Variants in ODAM observed in about 807,000 individuals in gnomAD.
ODAM encodes the protein odontogenic, ameloblast associated, also known as odontogenic ameloblast-associated protein.
ODAM carries 55 observed loss-of-function variants against 48.5 expected under a neutral mutation model. That is an observed-to-expected ratio of 1.13 (90% CI 0.91 to 1.42). The LOEUF (loss-of-function observed/expected upper bound fraction) is 1.42, where lower values mean the gene tolerates loss of function less well. ODAM is among the 40% of genes most tolerant of loss of function. ODAM has a pLI of 0.00. For missense variants in ODAM, 353 were observed against 323.6 expected, an observed-to-expected ratio of 1.09 and a Z score of -0.70; for synonymous variants, 127 against 107.8, an observed-to-expected ratio of 1.18 and a Z score of -1.10.
chr4:70,202,683 C>T (rs1056861169), intron 9 of ODAM, 73 bp from the exon 10 acceptor site: 3 of 1,136,706 alleles, frequency 2.6e-6, no homozygotes, highest in East Asian at 2.4e-5. Context: ...AATCCTGTTG[C>T]TTTACATTCT....
rs752843367 is a variant in ODAM, at chr4:70,197,255, A to T, written c.94-19A>T. 1 of 1,140,098 alleles carries T rather than the reference A, an allele frequency of 8.8e-7. No homozygotes were observed. Among genetic ancestry groups the T allele is most frequent in the Non-Finnish European group, 1.3e-6 (1 of 751,702 alleles). The allele number at this position is 1,140,098 out of a possible 1,614,324, so 70.6% of individuals were successfully genotyped here. The stretch of plus-strand genomic sequence containing the variant: ...TAGTGTGTAGTAATCTTGATTTCAT[A>T]TTATTTTTCTTTTTCTAGTTACTTC... On this transcript the variant is annotated intron_variant, in intron 3 of 11. Transcript: ENST00000683306.
In ODAM at chr4:70,200,589, G is replaced by A. The variant is rs983006877; in HGVS notation, c.516G>A (p.Gln172=). 6.2e-7 allele frequency: 1 copy of A among 1,605,376 alleles called. No individual in the cohort carries two copies. The highest frequency in any genetic ancestry group is 1.3e-5 in the African/African-American group (1 of 74,598). ...PRSPQQTRQQ[Q]YEEQIPFYAQ... ...CACCTCAACAAACAAGACAGCAACAGTATGAGGAGCAGGTACTGCAAATGT... is the reference window on the plus strand; with the variant it reads ...CACCTCAACAAACAAGACAGCAACAATATGAGGAGCAGGTACTGCAAATGT... Residue 172 remains glutamine (Q), a synonymous_variant, in exon 7 of 12, where the codon CAG becomes CAA. Transcript: ENST00000683306.
At chr4:70,196,285 A>G (rs903796348) in intron 1 of ODAM, among the ~76,000 whole-genome samples, 4 of 151,982 alleles carry the variant, frequency 2.6e-5, no homozygotes, top group African/African-American at 9.7e-5. Context: ...TCTCCAAATG[A>G]GTATTTTGTT....
At chr4:70,197,386 T>G (rs961499207) in intron 4 of ODAM, 65 bp downstream of exon 4, 1 of 915,050 alleles carries the variant, frequency 1.1e-6, no homozygotes, top group Non-Finnish European at 1.8e-6. Context: ...TGTTATTTTG[T>G]AAGAAAACAA....
Position 70,203,166 on chromosome 4 carries a change from A to C in ODAM, c.821A>C (p.Asp274Ala), listed in dbSNP as rs1355172617. ...PELPEEKDKTDSLREP is the reference protein window; with the variant it reads ...PELPEEKDKTASLREP Reference sequence around the variant, plus strand: ...TCCTTTTCTCACTAGGACAAGACTGACAGCCTAAGGGAACCATAAGAAGTT... The same window carrying C: ...TCCTTTTCTCACTAGGACAAGACTGCCAGCCTAAGGGAACCATAAGAAGTT... Residue 274 changes from aspartate to alanine, a missense_variant, in exon 11 of 12, where the codon GAC becomes GCC. Coordinates refer to ENST00000683306, the MANE Select transcript of ODAM (RefSeq NM_017855.4). 2 of 1,601,688 alleles carry C rather than the reference A, an allele frequency of 1.2e-6. No individual in the cohort carries two copies. Among genetic ancestry groups the C allele is most frequent in the Non-Finnish European group, 1.7e-6 (2 of 1,169,924 alleles).
intron 6 of ODAM, 28 bp from the exon 7 acceptor site, chr4:70,200,469 T>C: frequency 2.4e-6 from 3 of 1,234,810 alleles, no homozygotes; most frequent in Non-Finnish European, 2.4e-6. Context: ...TAATGGAATC[T>C]CTTGTATCCT....
rs1032079819 is a variant in ODAM, at chr4:70,200,477, C to A, written c.424-20C>A. On this transcript the variant is annotated intron_variant, in intron 6 of 11. Coordinates refer to ENST00000683306, the MANE Select transcript of ODAM (RefSeq NM_017855.4). ...GCTGATTTAATGGAATCTCTTGTAT[C>A]CTTCTCTTTTTACAAGTAGATGTTT... The A allele has an allele frequency of 1.1e-5, 15 of 1,328,964 alleles. 1 individual carries two copies. The highest frequency in any genetic ancestry group is 8.5e-5 in the South Asian group (7 of 82,126). 82.3% of individuals were successfully genotyped at this position (1,328,964 alleles called of 1,614,324 possible). A position where few individuals can be genotyped will look rare whatever the true frequency, so the allele number is the denominator to read the frequency against.
chr4:70,203,248 A>G (rs1729548303), intron 11 of ODAM, 34 bp downstream of exon 11: 1 of 1,196,712 alleles, frequency 8.4e-7, no homozygotes, highest in East Asian at 2.3e-5. Context: ...ATTAGGTGCC[A>G]CGACAATTCC....
Position 70,202,378 on chromosome 4 carries a change from C to T in ODAM, c.648+49C>T, listed in dbSNP as rs148858402. On this transcript the variant is annotated intron_variant, in intron 9 of 11. Transcript: ENST00000683306. ...CCAGCTACTGGAAATCAACAATTGA[C>T]AACTTACTGCACTAATGTTCATTTT... The T allele has an allele frequency of 5.6e-5, 75 of 1,331,810 alleles. No homozygotes were observed. The African/African-American group carries it at 6.5e-4, about 12-fold the overall frequency. The allele number at this position is 1,331,810 out of a possible 1,614,324, so 82.5% of individuals were successfully genotyped here. A position where few individuals can be genotyped will look rare whatever the true frequency, so the allele number is the denominator to read the frequency against.
chr4:70,202,149 T>C (rs1463414492), intron 8 of ODAM, 109 bp from the exon 9 acceptor site: 1 of 748,138 alleles, frequency 1.3e-6, no homozygotes, highest in Non-Finnish European at 2.3e-6. Flanking sequence ...TTTAGCAAAA[T>C]AATTTAAGAA....
chr4:70,203,106 T>C (rs1393617799), intron 10 of ODAM, 50 bp from the exon 11 acceptor site: 10 of 1,470,972 alleles, frequency 6.8e-6, no homozygotes, highest in East Asian at 2.3e-5. Flanking sequence ...CAGAATATAA[T>C]TTAATTTCAA....
In ODAM at chr4:70,196,592, C is replaced by T. The variant is rs1382287360; in HGVS notation, c.49C>T (p.Pro17Ser). The T allele has an allele frequency of 6.3e-7, 1 of 1,597,530 alleles. No individual in the cohort carries two copies. Among genetic ancestry groups the T allele is most frequent in the South Asian group, 1.1e-5 (1 of 89,210 alleles). The stretch of plus-strand genomic sequence containing the variant: ...ATTCCTGGGAGCCACATTGTCAGCC[C>T]CAGTAAGTGATTTTATGGCACTACT... ...LGFLGATLSAPLIPQRLMSAS... is the reference protein window; with the variant it reads ...LGFLGATLSASLIPQRLMSAS... Residue 17 changes from proline (P) to serine (S), a missense_variant and splice_region_variant, in exon 2 of 12, where the codon CCA (proline) becomes TCA (serine). Physicochemically the swap from Pro to Ser is moderately conservative, Grantham distance 74. Coordinates refer to ENST00000683306, the MANE Select transcript of ODAM (RefSeq NM_017855.4).
chr4:70,201,401 T>C, intron 7 of ODAM, 53 bp from the exon 8 acceptor site: 1 of 883,330 alleles, frequency 1.1e-6, no homozygotes, highest in Non-Finnish European at 1.8e-6. Context: ...ACTGCAAACT[T>C]ACGACAAGAA....
chr4:70,203,134 A>G (rs755840503), intron 10 of ODAM, 22 bp from the exon 11 acceptor site: 2 of 1,570,120 alleles, frequency 1.3e-6, no homozygotes, highest in Non-Finnish European at 1.7e-6. Context: ...ACAGTTTCTT[A>G]TGAATGTCCT....
intron 2 of ODAM, 28 bp from the exon 3 acceptor site, chr4:70,196,664 C>T (rs201390555): frequency 5.7e-5 from 91 of 1,603,374 alleles, no homozygotes; most frequent in Admixed American, 1.3e-4. Flanking sequence ...TTTACTATTT[C>T]TGATTTTTTT....
chr4:70,204,216 T>C lies in ODAM; in HGVS notation c.*71T>C, dbSNP rs1446335172. On this transcript the variant is annotated 3_prime_UTR_variant, in exon 12 of 12. Coordinates refer to ENST00000683306, the MANE Select transcript of ODAM (RefSeq NM_017855.4). ...ATGCCTTGGATATAATTTTAGGCTA[T>C]TAGCTTCCTCAATACTAGTATCAGT... 1 of 152,010 alleles carries C rather than the reference T, an allele frequency of 6.6e-6. No individual in the cohort carries two copies. Among genetic ancestry groups the C allele is most frequent in the African/African-American group, 2.4e-5 (1 of 41,412 alleles). 9.4% of individuals were successfully genotyped at this position (152,010 alleles called of 1,614,324 possible).
chr4:70,200,235 A>G, intron 6 of ODAM: 3 of 396,678 alleles, frequency 7.6e-6, no homozygotes, highest in East Asian at 5.8e-5. Flanking sequence ...TGAAAAAAAA[A>G]AAAAGCTCTT....
intron 9 of ODAM, 126 bp downstream of exon 9, chr4:70,202,455 T>C: frequency 1.2e-6 from 1 of 818,780 alleles, no homozygotes. Flanking sequence ...TTCTTCTTCT[T>C]ACAATATTTT....
intron 6 of ODAM, among the ~76,000 whole-genome samples, chr4:70,199,387 TAAAAC>T (rs1259142424): frequency 6.6e-6 from 1 of 152,026 alleles, no homozygotes; most frequent in South Asian, 2.1e-4. Flanking sequence ...ACTCCCATTA[TAAAAC>T]AAAAGTTACT....
Sources: gnomAD v4.1 joint callset for allele counts (sites outside exome capture counted in the v4.1 genomes callset) on GRCh38, gnomAD v4.1.1 for gene constraint, MANE v1.5 for transcripts, NCBI Gene and HGNC (gene_info 2026-07-23, HGNC 2026-07-21) for gene names.